ZNF562: variants seen among roughly 807,000 people sequenced by gnomAD.
ZNF562 encodes zinc finger protein 562.
ZNF562 carries 13 observed loss-of-function variants against 17.5 expected under a neutral mutation model. The ratio of observed to expected loss-of-function variants is 0.74; its 90% CI spans 0.48 to 1.18. The LOEUF is 1.18. Ranked by LOEUF, ZNF562 falls within the 50% of genes most tolerant of loss-of-function variation. ZNF562 has a pLI of 0.00. For synonymous variants in ZNF562, 163 were observed against 165.4 expected (o/e 0.99, Z 0.11); for missense variants, 481 against 498.5 (o/e 0.96, Z 0.33).
intron 1 of ZNF562, among the ~76,000 whole-genome samples, chr19:9,669,623 C>T (rs1255215271): frequency 6.6e-6 from 1 of 151,832 alleles, no homozygotes; most frequent in Non-Finnish European, 1.5e-5. Context: ...GAGTTCCAGA[C>T]CAGGCTAGGC....
In ZNF562 at chr19:9,653,698, A is replaced by C; in HGVS notation, c.532T>G (p.Phe178Val). ...EASIGQELSK[F>V]NPCGKVFTLT... Reference sequence around the variant, plus strand: ...GTGAAGACTTTTCCACATGGATTAAATTTGGAAAGTTCTTGTCCAATAGAG... The same window carrying C: ...GTGAAGACTTTTCCACATGGATTAACTTTGGAAAGTTCTTGTCCAATAGAG... Residue 178 changes from phenylalanine to valine, a missense_variant, in exon 6 of 6, where the codon TTT becomes GTT. Phe to Val is a conservative substitution (Grantham distance 50). Coordinates refer to ENST00000453372, the MANE Select transcript of ZNF562 (RefSeq NM_001130031.2). 6.2e-7 allele frequency: 1 copy of C among 1,613,990 alleles called. No individual in the cohort carries two copies. The highest frequency in any genetic ancestry group is 2.2e-5 in the East Asian group (1 of 44,878).
At chr19:9,674,989 C>T (rs2044355727) in intron 1 of ZNF562, 26 bp downstream of exon 1, 1 of 152,210 alleles carries the variant, frequency 6.6e-6, no homozygotes, top group South Asian at 2.1e-4. Flanking sequence ...TGGTATGTCC[C>T]GGACCCCCAA....
At chr19:9,672,617 G>C (rs1050834135) in intron 1 of ZNF562, among the ~76,000 whole-genome samples, 1 of 151,870 alleles carries the variant, frequency 6.6e-6, no homozygotes, top group African/African-American at 2.4e-5. Flanking sequence ...ACTGATACTA[G>C]AATACTATTC....
chr19:9,656,052 G>A (rs1172009711), intron 5 of ZNF562, among the ~76,000 whole-genome samples: 2 of 151,782 alleles, frequency 1.3e-5, no homozygotes, highest in Admixed American at 6.6e-5. Context: ...AATCAGAGAT[G>A]GTATATTGCT....
chr19:9,650,476 G>C lies in ZNF562; in HGVS notation c.*2473C>G, dbSNP rs2144950614. 6.7e-6 allele frequency: 1 copy of C among 149,780 alleles called. No homozygotes were observed. Among genetic ancestry groups the C allele is most frequent in the East Asian group, 2.0e-4 (1 of 5,000 alleles). 9.3% of individuals were successfully genotyped at this position (149,780 alleles called of 1,614,324 possible). Reference sequence around the variant, plus strand: ...TGAAGTTCCAAACCTCAATGTGACTGTATGTGAAAAGAGAAGGGGGCGGGG... The same window carrying C: ...TGAAGTTCCAAACCTCAATGTGACTCTATGTGAAAAGAGAAGGGGGCGGGG... On this transcript the variant is annotated 3_prime_UTR_variant, in exon 6 of 6. Transcript: ENST00000453372.
chr19:9,665,482 C>T (rs2145023064), intron 1 of ZNF562, among the ~76,000 whole-genome samples: 1 of 152,250 alleles, frequency 6.6e-6, no homozygotes, highest in Admixed American at 6.5e-5. Flanking sequence ...TCACAAGAGC[C>T]TGAAGGGAGA....
In ZNF562 at chr19:9,653,035, G is replaced by T. The variant is rs747172584; in HGVS notation, c.1195C>A (p.Pro399Thr). 34 of 1,586,762 alleles carry T rather than the reference G, an allele frequency of 2.1e-5. No homozygotes were observed. Among genetic ancestry groups the T allele is most frequent in the Non-Finnish European group, 2.7e-5 (31 of 1,167,790 alleles). Reference protein sequence around the residue: ...QHRRIHTGEKPYECVECGKTF... With the variant: ...QHRRIHTGEKTYECVECGKTF... ...TTCCCACATTCAACACATTCATAAG[G>T]CTTCTCTCCTGTGTGAATTCTTCTA... The change falls in exon 6 of 6, where the codon CCT (proline) becomes ACT (threonine). Residue 399 changes from proline (P) to threonine (T), a missense_variant. By Grantham distance (38) the Pro-to-Thr change is conservative. Around this residue, in one of 2 missense-constraint regions of ZNF562, gnomAD observed 78 missense variants for 112.0 expected, o/e 0.70. Coordinates refer to ENST00000453372, the MANE Select transcript of ZNF562 (RefSeq NM_001130031.2).
chr19:9,663,350 G>C (rs1258703715), intron 1 of ZNF562, among the ~76,000 whole-genome samples: 1 of 150,014 alleles, frequency 6.7e-6, no homozygotes, highest in Admixed American at 6.7e-5. Flanking sequence ...GGTGGAGCTT[G>C]CAGTAAGTGA....
rs1251236630 is a variant in ZNF562 at position 9,642,500 on chromosome 19, CTCCTGAGCTCAAGCGATCA to C, written c.*10430_*10448del. The C allele has an allele frequency of 6.6e-6, 1 of 152,022 alleles. No individual in the cohort carries two copies. Among genetic ancestry groups the C allele is most frequent in the African/African-American group, 2.4e-5 (1 of 41,372 alleles). The allele number at this position is 152,022 out of a possible 1,614,324, so 9.4% of individuals were successfully genotyped here. On this transcript the variant is annotated 3_prime_UTR_variant, in exon 6 of 6. Transcript: ENST00000453372. ...CTATGTTGCCTAGGCTGCCCTCAAA[CTCCTGAGCTCAAGCGATCA>C]TCCTTCCTTGGCCTCCCACATTGTT...
At chr19:9,656,828 T>C (rs1411707832) in intron 4 of ZNF562, among the ~76,000 whole-genome samples, 175 bp from the exon 5 acceptor site, 1 of 150,052 alleles carries the variant, frequency 6.7e-6, no homozygotes, top group African/African-American at 2.5e-5. Context: ...ATCAAGACCA[T>C]CCTGACCAAA....
intron 5 of ZNF562, among the ~76,000 whole-genome samples, chr19:9,655,945 C>G (rs1327154607): frequency 6.6e-6 from 1 of 151,750 alleles, no homozygotes; most frequent in African/African-American, 2.4e-5. Flanking sequence ...GTTGGCCAGG[C>G]CTGTCTCAAA....
chr19:9,671,738 G>T (rs138885454), intron 1 of ZNF562, among the ~76,000 whole-genome samples: 8 of 152,348 alleles, frequency 5.3e-5, no homozygotes, highest in Non-Finnish European at 1.2e-4. Context: ...GAAGCCTCCG[G>T]CATGCACCAA....
intron 1 of ZNF562, among the ~76,000 whole-genome samples, chr19:9,662,272 AT>A (rs1439579866): frequency 6.6e-6 from 1 of 152,134 alleles, no homozygotes; most frequent in Admixed American, 6.6e-5. Context: ...GAAAAACAGA[AT>A]TTAAAATATT....
In ZNF562 at chr19:9,650,417, C is replaced by CAT. The variant is rs2074851409; in HGVS notation, c.*2531_*2532insAT. The stretch of plus-strand genomic sequence containing the variant: ...ATATATATACACATACACACACACA[C>CAT]ACACACACACACAGTGACCCCCCAA... On this transcript the variant is annotated 3_prime_UTR_variant, in exon 6 of 6. Coordinates refer to ENST00000453372, the MANE Select transcript of ZNF562 (RefSeq NM_001130031.2). 1 of 142,910 alleles carries CAT rather than the reference C, an allele frequency of 7.0e-6. No individual in the cohort carries two copies. Among genetic ancestry groups the CAT allele is most frequent in the South Asian group, 2.1e-4 (1 of 4,744 alleles). The allele number at this position is 142,910 out of a possible 1,614,324, so 8.9% of individuals were successfully genotyped here. A position where few individuals can be genotyped will look rare whatever the true frequency, so the allele number is the denominator to read the frequency against.
At chr19:9,655,181 G>T (rs905786191) in intron 5 of ZNF562, among the ~76,000 whole-genome samples, 1 of 152,036 alleles carries the variant, frequency 6.6e-6, no homozygotes, top group African/African-American at 2.4e-5. Context: ...TGTAGAGACA[G>T]AGTCTCCCTG....
At chr19:9,665,499 C>G (rs1302837166) in intron 1 of ZNF562, among the ~76,000 whole-genome samples, 1 of 152,166 alleles carries the variant, frequency 6.6e-6, no homozygotes, top group South Asian at 2.1e-4. Context: ...GAGAAATACC[C>G]TGAGGACATC....
chr19:9,670,624 A>G (rs1237696470), intron 1 of ZNF562, among the ~76,000 whole-genome samples: 1 of 152,164 alleles, frequency 6.6e-6, no homozygotes, highest in Non-Finnish European at 1.5e-5. Flanking sequence ...TAAAAAGTGG[A>G]TCTCATGAGC....
Position 9,642,796 on chromosome 19 carries a change from T to A in ZNF562, c.*10153A>T, listed in dbSNP as rs886433291. ...TCATCCTAGCATTTTGGGAGGCTGA[T>A]GCAGAAGGATAACTTGAACAGGATT... On this transcript the variant is annotated 3_prime_UTR_variant, in exon 6 of 6. Coordinates refer to ENST00000453372, the MANE Select transcript of ZNF562 (RefSeq NM_001130031.2). 1 of 150,856 alleles carries A rather than the reference T, an allele frequency of 6.6e-6. No homozygotes were observed. Among genetic ancestry groups the A allele is most frequent in the Non-Finnish European group, 1.5e-5 (1 of 67,818 alleles). 9.3% of individuals were successfully genotyped at this position (150,856 alleles called of 1,614,324 possible).
chr19:9,643,580 CCTT>C lies in ZNF562; in HGVS notation c.*9366_*9368del, dbSNP rs1328160355. 19 of 150,374 alleles carry C rather than the reference CCTT, an allele frequency of 1.3e-4. No individual in the cohort carries two copies. Among genetic ancestry groups the C allele is most frequent in the South Asian group, 4.2e-4 (2 of 4,796 alleles). The allele number at this position is 150,374 out of a possible 1,614,324, so 9.3% of individuals were successfully genotyped here. ...CCGTTCCTTCCTAGCTTCCTTTTTTCCTTCTTTTTTTTTTTTTTTTAAATGGAG... is the reference window on the plus strand; with the variant it reads ...CCGTTCCTTCCTAGCTTCCTTTTTTCCTTTTTTTTTTTTTTTTAAATGGAG... On this transcript the variant is annotated 3_prime_UTR_variant, in exon 6 of 6. Coordinates refer to ENST00000453372, the MANE Select transcript of ZNF562 (RefSeq NM_001130031.2).
Sources: allele counts gnomAD v4.1 joint callset (sites outside exome capture counted in the v4.1 genomes callset), GRCh38; gene constraint gnomAD v4.1.1; regional missense constraint gnomAD v4.1.1; transcripts MANE v1.5; gene names NCBI Gene and HGNC (gene_info 2026-07-23, HGNC 2026-07-21).